DLGAP2: variants seen among roughly 807,000 people sequenced by gnomAD.
DLGAP2 encodes the protein DLG associated protein 2.
A neutral mutation model predicts 100.3 loss-of-function variants in DLGAP2; 26 were observed. The ratio of observed to expected loss-of-function variants is 0.26; its 90% CI spans 0.19 to 0.36. The LOEUF (loss-of-function observed/expected upper bound fraction) is 0.36, where lower values mean the gene tolerates loss of function less well. DLGAP2 is among the 10% of genes least tolerant of loss of function. The pLI is 1.00. For missense variants in DLGAP2, 1,858 were observed against 1,453.2 expected (o/e 1.28, Z -4.53); for synonymous variants, 886 against 630.1 (o/e 1.41, Z -6.08).
intron 3 of DLGAP2, among the ~76,000 whole-genome samples, chr8:1,476,075 G>C (rs1237109882): frequency 1.1e-4 from 16 of 152,162 alleles, no homozygotes; most frequent in Non-Finnish European, 2.9e-5. Context: ...TGTTCTGTTG[G>C]GATTATAGGG....
intron 2 of DLGAP2, among the ~76,000 whole-genome samples, chr8:974,096 A>G (rs1396261334): frequency 2.0e-5 from 3 of 152,182 alleles, no homozygotes; most frequent in Admixed American, 2.0e-4. Context: ...AGAAAAGAAG[A>G]AATATTTGTA....
intron 1 of DLGAP2, among the ~76,000 whole-genome samples, chr8:846,506 T>A (rs1437168118): frequency 1.3e-5 from 2 of 152,244 alleles, no homozygotes; most frequent in Admixed American, 6.5e-5. Context: ...TGTCTATAAG[T>A]ACAATATTTT....
At chr8:1,236,728 CCACATGGCGCCGTGTCTAGTTCTCT>C (rs1436634734) in intron 2 of DLGAP2, among the ~76,000 whole-genome samples, 10 of 19,694 alleles carry the variant, frequency 5.1e-4, no homozygotes, top group South Asian at 4.2e-3. Flanking sequence ...TAGTTCTCTG[CCACATGGCGCCGTGTCTAGTTCTCT>C]CACATGGCGC....
At chr8:808,992 C>T (rs1225978521) in intron 1 of DLGAP2, among the ~76,000 whole-genome samples, 1 of 151,320 alleles carries the variant, frequency 6.6e-6, no homozygotes, top group Non-Finnish European at 1.5e-5. Context: ...CTGCAGCCTC[C>T]ACCTCCTGAG....
intron 2 of DLGAP2, among the ~76,000 whole-genome samples, chr8:1,146,629 A>ACG (rs1368438936): frequency 6.6e-6 from 1 of 151,806 alleles, no homozygotes; most frequent in Non-Finnish European, 1.5e-5. Context: ...GTGTGCATGC[A>ACG]TGTGTGTGCA....
rs750868193 is a variant in DLGAP2, at chr8:1,659,069, T to TAAA, written c.1811-9259_1811-9258insAAA. 1.6e-4 allele frequency among the ~76,000 whole-genome samples: 25 copies of TAAA among 152,312 alleles called. 1 individual carries two copies. The highest frequency in any genetic ancestry group is 2.2e-4 in the Non-Finnish European group (15 of 68,014). On this transcript the variant is annotated intron_variant, in intron 8 of 14. Transcript: ENST00000637795. ...GCTAAAGCATTGGTTTCAAATAACT[T>TAAA]ATTTATTTCTGCCTTAATTTCGTTA...
In DLGAP2 at chr8:1,637,793, T is replaced by A. The variant is rs577382472; in HGVS notation, c.1810+4747T>A. 3.3e-5 allele frequency among the ~76,000 whole-genome samples: 5 copies of A among 152,312 alleles called. No individual in the cohort carries two copies. The South Asian group carries it at 1.0e-3, about 32-fold the overall frequency. On this transcript the variant is annotated intron_variant, in intron 8 of 14. Transcript: ENST00000637795. Reference sequence around the variant, plus strand: ...GCCTAAAGTCTGGAAACAGTTGCAGTTGAAGAGCTCGTCAGCCATGGCACA... The same window carrying A: ...GCCTAAAGTCTGGAAACAGTTGCAGATGAAGAGCTCGTCAGCCATGGCACA...
At chr8:1,699,117 C>T (rs1799497856) in intron 14 of DLGAP2, among the ~76,000 whole-genome samples, 1 of 152,346 alleles carries the variant, frequency 6.6e-6, no homozygotes, top group East Asian at 1.9e-4. Flanking sequence ...GAAGTTAGCC[C>T]AGGTGCACAC....
rs532708702 is a variant in DLGAP2, at chr8:805,842, C to T, written c.18+68017C>T. ...CGCAGCCTGCGCTGTGATTTTTAAACGGTAGTTTCTAATGTCCCGTACACG... is the reference window on the plus strand; with the variant it reads ...CGCAGCCTGCGCTGTGATTTTTAAATGGTAGTTTCTAATGTCCCGTACACG... On this transcript the variant is annotated intron_variant, in intron 1 of 14. Coordinates refer to ENST00000637795, the MANE Select transcript of DLGAP2 (RefSeq NM_001346810.2). Among the ~76,000 whole-genome samples the T allele has an allele frequency of 3.9e-3, 597 of 152,246 alleles. 5 individuals carry two copies. The highest frequency in any genetic ancestry group is 4.4e-3 in the Non-Finnish European group (298 of 68,022).
intron 1 of DLGAP2, among the ~76,000 whole-genome samples, chr8:810,329 T>A (rs986721480): frequency 3.9e-5 from 6 of 152,374 alleles, no homozygotes; most frequent in African/African-American, 1.4e-4. Flanking sequence ...ATTGTTTTAG[T>A]CATTAATTAA....
At chr8:1,104,259 A>G (rs1160803232) in intron 2 of DLGAP2, among the ~76,000 whole-genome samples, 1 of 151,980 alleles carries the variant, frequency 6.6e-6, no homozygotes, top group African/African-American at 2.4e-5. Flanking sequence ...TAGTGGAGGG[A>G]GGGTTGACGC....
chr8:1,455,224 G>GT (rs1225963330), intron 3 of DLGAP2, among the ~76,000 whole-genome samples: 2 of 152,264 alleles, frequency 1.3e-5, no homozygotes, highest in Non-Finnish European at 2.9e-5. Context: ...AGCGCTCCAC[G>GT]TGGACGCCCA....
intron 2 of DLGAP2, among the ~76,000 whole-genome samples, chr8:1,233,729 A>G (rs1304439103): frequency 6.6e-6 from 1 of 152,288 alleles, no homozygotes; most frequent in East Asian, 1.9e-4. Context: ...TTTCTGGGAA[A>G]CACGCAGGGC....
chr8:1,557,611 G>T (rs1802010849), intron 5 of DLGAP2, among the ~76,000 whole-genome samples: 1 of 152,052 alleles, frequency 6.6e-6, no homozygotes, highest in African/African-American at 2.4e-5. Context: ...TGCCATGACG[G>T]GCATACACAC....
At chr8:1,186,505 G>A (rs1797508308) in intron 2 of DLGAP2, among the ~76,000 whole-genome samples, 1 of 152,184 alleles carries the variant, frequency 6.6e-6, no homozygotes, top group Non-Finnish European at 1.5e-5. Context: ...GTCAGTGACT[G>A]CAGTGACTTC....
intron 3 of DLGAP2, among the ~76,000 whole-genome samples, chr8:1,470,668 A>G (rs78584437): frequency 0.014 from 2,061 of 151,172 alleles, 81 homozygotes; most frequent in African/African-American, 0.049. Context: ...GCACAATCCT[A>G]CCATTTTAAG....
intron 2 of DLGAP2, among the ~76,000 whole-genome samples, chr8:1,204,554 A>G (rs529336680): frequency 5.2e-4 from 76 of 146,384 alleles, no homozygotes; most frequent in Non-Finnish European, 7.9e-4. Context: ...GTGTGTGTGT[A>G]TATGTCTATA....
At chr8:1,294,248 T>C (rs2116976226) in intron 3 of DLGAP2, among the ~76,000 whole-genome samples, 1 of 152,318 alleles carries the variant, frequency 6.6e-6, no homozygotes, top group East Asian at 1.9e-4. Context: ...TTCACAAGAA[T>C]TTAATTGTCT....
intron 2 of DLGAP2, among the ~76,000 whole-genome samples, chr8:1,118,173 C>G (rs553278151): frequency 6.6e-6 from 1 of 152,122 alleles, no homozygotes; most frequent in Non-Finnish European, 1.5e-5. Context: ...ATGGCTTTTT[C>G]TAAAATGCAT....
Sources: allele counts gnomAD v4.1 joint callset (sites outside exome capture counted in the v4.1 genomes callset), GRCh38; gene constraint gnomAD v4.1.1; transcripts MANE v1.5; gene names NCBI Gene and HGNC (gene_info 2026-07-23, HGNC 2026-07-21).